Variants in APC2 observed in about 807,000 individuals in gnomAD.
APC2 encodes adenomatous polyposis coli protein 2.
APC2 carries 41 observed loss-of-function variants against 72.5 expected under a neutral mutation model. The observed-to-expected ratio is 0.57, with a 90% CI of 0.44 to 0.73. The LOEUF is 0.73. Among genes scored for constraint, APC2 ranks in the 30% least tolerant of loss-of-function variants. The pLI is 0.00. For synonymous variants in APC2, 1,898 were observed against 1,612.0 expected (o/e 1.18, Z -4.25); for missense variants, 3,729 against 3,403.4 (o/e 1.10, Z -2.38).
Position 1,470,098 on chromosome 19 carries a change from G to A in APC2, c.6797G>A (p.Arg2266His). Reference protein sequence around the residue: ...FPASRHGSPSRSARVPPFNYV... With the variant: ...FPASRHGSPSHSARVPPFNYV... ...GCCAGCCGGCACGGCTCCCCCAGCCGCTCGGCCCGAGTACCCCCCTTCAAC... is the reference window on the plus strand; with the variant it reads ...GCCAGCCGGCACGGCTCCCCCAGCCACTCGGCCCGAGTACCCCCCTTCAAC... The change falls in exon 15 of 15, where the codon CGC (arginine) becomes CAC (histidine). Residue 2266 changes from arginine (R) to histidine (H), a missense_variant. By Grantham distance (29) the Arg-to-His change is conservative. Transcript: ENST00000590469. 1.9e-6 allele frequency: 3 copies of A among 1,604,064 alleles called. No individual in the cohort carries two copies. The highest frequency in any genetic ancestry group is 1.7e-6 in the Non-Finnish European group (2 of 1,177,324).
chr19:1,456,467 G>A (rs2083829195), intron 8 of APC2, 63 bp downstream of exon 8: 9 of 1,461,654 alleles, frequency 6.2e-6, no homozygotes, highest in African/African-American at 1.4e-5. Context: ...GATCAGGTCT[G>A]CATCCTCGCC....
At chr19:1,454,115 T>C (rs1043485232) in intron 4 of APC2, among the ~76,000 whole-genome samples, 1 of 152,164 alleles carries the variant, frequency 6.6e-6, no homozygotes, top group African/African-American at 2.4e-5. Flanking sequence ...TGGGGTTGTC[T>C]GTGCTCTGCT....
upstream of APC2, among the ~76,000 whole-genome samples, chr19:1,448,146 C>T (rs911671875): frequency 2.6e-5 from 4 of 152,210 alleles, no homozygotes; most frequent in Non-Finnish European, 5.9e-5. Flanking sequence ...AGCTCTGCCC[C>T]GGCTTGACCT....
rs753331361 is a variant in APC2 at position 1,462,162 on chromosome 19, C to T, written c.1838C>T (p.Thr613Ile). ...CGCAATGTGTCCAGCCTCGTCGCCA[C>T]CCGTGAGGACTACAGGTCGGCCCCC... is the stretch of plus-strand genomic sequence containing the variant. ...ILRNVSSLVA[T>I]REDYRQVLRD... The change falls in exon 14 of 15, where the codon ACC (threonine) becomes ATC (isoleucine). Residue 613 changes from threonine (T) to isoleucine (I), a missense_variant. By Grantham distance (89) the Thr-to-Ile change is moderately conservative. Transcript: ENST00000590469. 2 of 1,600,040 alleles carry T rather than the reference C, an allele frequency of 1.2e-6. No individual in the cohort carries two copies. The highest frequency in any genetic ancestry group is 2.2e-5 in the South Asian group (2 of 89,010).
intron 7 of APC2, 61 bp from the exon 8 acceptor site, chr19:1,456,245 C>T: frequency 6.4e-7 from 1 of 1,561,868 alleles, no homozygotes; most frequent in East Asian, 2.4e-5. Flanking sequence ...CCCACATCAT[C>T]ACGGGTGAGC....
chr19:1,464,044 G>C (rs1021741500), intron 14 of APC2, among the ~76,000 whole-genome samples: 1 of 149,428 alleles, frequency 6.7e-6, no homozygotes, highest in Non-Finnish European at 1.5e-5. Flanking sequence ...TGGGGTGGTG[G>C]ACGCCTGTAA....
Position 1,468,083 on chromosome 19 carries a change from G to A in APC2, c.4782G>A (p.Pro1594=), listed in dbSNP as rs1393018745. The A allele has an allele frequency of 6.5e-6, 10 of 1,548,906 alleles. No homozygotes were observed. In the African/African-American group the frequency reaches 9.9e-5, roughly 15 times the overall value. The change falls in exon 15 of 15, where the codon CCG becomes CCA. Residue 1594 remains proline, a synonymous_variant. Transcript: ENST00000590469. ...SSLSEPEPSE[P]PAVHPRGREP... The stretch of plus-strand genomic sequence containing the variant: ...TCAGCGAGCCCGAGCCCTCGGAGCC[G>A]CCGGCCGTCCATCCACGAGGCCGGG...
Position 1,467,400 on chromosome 19 carries a change from C to G in APC2, c.4099C>G (p.Arg1367Gly). 2 of 1,488,484 alleles carry G rather than the reference C, an allele frequency of 1.3e-6. No individual in the cohort carries two copies. The highest frequency in any genetic ancestry group is 1.8e-6 in the Non-Finnish European group (2 of 1,124,950). 92.2% of individuals were successfully genotyped at this position (1,488,484 alleles called of 1,614,324 possible). ...KVASALVPGRRALPVPVYMLV... is the reference protein window; with the variant it reads ...KVASALVPGRGALPVPVYMLV... Reference sequence around the variant, plus strand: ...GGCCTCCGCGCTGGTGCCAGGTCGCCGCGCACTCCCCGTGCCCGTCTACAT... The same window carrying G: ...GGCCTCCGCGCTGGTGCCAGGTCGCGGCGCACTCCCCGTGCCCGTCTACAT... The change falls in exon 15 of 15, where the codon CGC (arginine) becomes GGC (glycine). Residue 1367 changes from arginine to glycine, a missense_variant. By Grantham distance (125) the Arg-to-Gly change is moderately radical. Coordinates refer to ENST00000590469, the MANE Select transcript of APC2 (RefSeq NM_005883.3).
intron 14 of APC2, 60 bp from the exon 15 acceptor site, chr19:1,465,095 T>A: frequency 6.5e-7 from 1 of 1,536,896 alleles, no homozygotes. Context: ...GGCCCCCCCA[T>A]CCTTCGGTGG....
Position 1,465,656 on chromosome 19 carries a change from A to G in APC2, c.2355A>G (p.Ser785=). 1.9e-6 allele frequency: 3 copies of G among 1,602,188 alleles called. No homozygotes were observed. Among genetic ancestry groups the G allele is most frequent in the Non-Finnish European group, 2.6e-6 (3 of 1,175,488 alleles). ...GCTTTGACGACGACGATGCACCGTC[A>G]TCCCTGGCTGCGGCCGCGGCCACCG... is the stretch of plus-strand genomic sequence containing the variant. ...SGCFDDDDAP[S]SLAAAAATGE... is the part of the protein sequence containing the mutation. The change falls in exon 15 of 15, where the codon TCA becomes TCG. Residue 785 remains serine, a synonymous_variant. Transcript: ENST00000590469.
Position 1,461,120 on chromosome 19 carries a change from T to G in APC2, c.1605T>G (p.Thr535=), listed in dbSNP as rs1046620592. The G allele has an allele frequency of 8.1e-6, 13 of 1,612,460 alleles. No individual in the cohort carries two copies. Among genetic ancestry groups the G allele is most frequent in the Non-Finnish European group, 8.5e-6 (10 of 1,180,012 alleles). Reference sequence around the variant, plus strand: ...TGCTGAGGGAGGCGGGCAGCGTGACTGCCCTGGTGCAGTGTGTCCTGCGGG... The same window carrying G: ...TGCTGAGGGAGGCGGGCAGCGTGACGGCCCTGGTGCAGTGTGTCCTGCGGG... ...KKVLREAGSV[T]ALVQCVLRAT... is the part of the protein sequence containing the mutation. Residue 535 remains threonine, a synonymous_variant, in exon 13 of 15, where the codon ACT becomes ACG. Coordinates refer to ENST00000590469, the MANE Select transcript of APC2 (RefSeq NM_005883.3).
At chr19:1,453,667 C>T (rs926336387) in intron 4 of APC2, 56 bp downstream of exon 4, 51 of 1,543,408 alleles carry the variant, frequency 3.3e-5, no homozygotes, top group Non-Finnish European at 4.3e-5. Flanking sequence ...CGGTCCCCAG[C>T]GGGCTCTGCC....
chr19:1,469,605 C>A lies in APC2; in HGVS notation c.6304C>A (p.Leu2102Met). The change falls in exon 15 of 15, where the codon CTG becomes ATG. Residue 2102 changes from leucine to methionine, a missense_variant. Coordinates refer to ENST00000590469, the MANE Select transcript of APC2 (RefSeq NM_005883.3). ...RPETVKRYAS[L>M]PHISVARRPD... ...GGAGACTGTCAAGCGCTACGCGTCG[C>A]TGCCGCACATCAGCGTGGCCCGCAG... 2 of 1,260,532 alleles carry A rather than the reference C, an allele frequency of 1.6e-6. No individual in the cohort carries two copies. The highest frequency in any genetic ancestry group is 2.0e-6 in the Non-Finnish European group (2 of 993,614). 78.1% of individuals were successfully genotyped at this position (1,260,532 alleles called of 1,614,324 possible). A position where few individuals can be genotyped will look rare whatever the true frequency, so the allele number is the denominator to read the frequency against.
chr19:1,461,212 G>A (rs565776219), intron 13 of APC2, 59 bp downstream of exon 13: 106 of 1,442,324 alleles, frequency 7.3e-5, no homozygotes, highest in East Asian at 1.6e-4. Context: ...GACTGCTGGC[G>A]GCAGCGGGCG....
At chr19:1,459,183 G>C (rs985926467) in intron 10 of APC2, among the ~76,000 whole-genome samples, 1 of 152,104 alleles carries the variant, frequency 6.6e-6, no homozygotes, top group East Asian at 1.9e-4. Context: ...GTGCACCTAC[G>C]CCATAGTCTG....
chr19:1,457,889 GGGTTGC>G (rs2083860558), intron 9 of APC2, 70 bp from the exon 10 acceptor site: 2 of 1,262,798 alleles, frequency 1.6e-6, no homozygotes, highest in African/African-American at 1.7e-5. Flanking sequence ...TGGGGCGGGC[GGGTTGC>G]GGGACCTTCG....
chr19:1,457,017 GGCCGGGGGTCGC>G lies in APC2; in HGVS notation c.989_1000del (p.Gly330_Gly333del), dbSNP rs776996014. ...AAATCCTCCACGGCACCGAGGCCGC[GGCCGGGGGTCGC>G]GCCGGGGCCCCAGGGGCACCGGGCG... On this transcript the variant is annotated inframe_deletion, in exon 9 of 15. Coordinates refer to ENST00000590469, the MANE Select transcript of APC2 (RefSeq NM_005883.3). 14 of 1,528,132 alleles carry G rather than the reference GGCCGGGGGTCGC, an allele frequency of 9.2e-6. No homozygotes were observed. The East Asian group carries it at 2.0e-4, about 22-fold the overall frequency. The allele number at this position is 1,528,132 out of a possible 1,614,324, so 94.7% of individuals were successfully genotyped here. A position where few individuals can be genotyped will look rare whatever the true frequency, so the allele number is the denominator to read the frequency against.
chr19:1,465,282 G>T lies in APC2; in HGVS notation c.1981G>T (p.Glu661Ter). The change falls in exon 15 of 15, where the codon GAG becomes TAG. Residue 661 changes from glutamate to a stop codon, truncating the protein, a stop_gained. Coordinates refer to ENST00000590469, the MANE Select transcript of APC2 (RefSeq NM_005883.3). LOFTEE classifies it low-confidence loss of function (END_TRUNC). The part of the protein sequence containing the change: ...NLSARSARDQ[E>*]LLWDLGAVGM... Reference sequence around the variant, plus strand: ...GTCGGCCCGCAGCGCCCGTGACCAGGAGCTGCTGTGGGACCTGGGCGCCGT... The same window carrying T: ...GTCGGCCCGCAGCGCCCGTGACCAGTAGCTGCTGTGGGACCTGGGCGCCGT... The T allele has an allele frequency of 6.2e-7, 1 of 1,604,646 alleles. No homozygotes were observed.
intron 12 of APC2, 84 bp from the exon 13 acceptor site, chr19:1,460,953 C>G: frequency 1.3e-6 from 2 of 1,592,184 alleles, no homozygotes; most frequent in Non-Finnish European, 1.7e-6. Flanking sequence ...GTGTCCCGTC[C>G]GACTCTCTGC....
Sources: gnomAD v4.1 joint callset for allele counts (sites outside exome capture counted in the v4.1 genomes callset) on GRCh38, gnomAD v4.1.1 for gene constraint, MANE v1.5 for transcripts, NCBI Gene and HGNC (gene_info 2026-07-23, HGNC 2026-07-21) for gene names.